The following RSPH9 variants were observed in gnomAD, a reference collection of about 807,000 sequenced individuals.
RSPH9 encodes radial spoke head protein 9 homolog.
Under a neutral mutation model 27.0 loss-of-function variants are expected in RSPH9, and 27 were observed. That is an observed-to-expected ratio of 1.00 (90% CI 0.74 to 1.38). The LOEUF is 1.38. Ranked by LOEUF, RSPH9 falls within the 40% of genes most tolerant of loss-of-function variation. The pLI is 0.00. For missense variants in RSPH9, 347 were observed against 357.4 expected (o/e 0.97, Z 0.24); for synonymous variants, 145 against 147.7 (o/e 0.98, Z 0.13).
chr6:43,671,734 GGA>G lies in RSPH9; in HGVS notation c.*787_*788del, dbSNP rs1293653228. 3.7e-6 allele frequency: 6 copies of G among 1,613,924 alleles called. No individual in the cohort carries two copies. The highest frequency in any genetic ancestry group is 5.1e-6 in the Non-Finnish European group (6 of 1,179,908). ...CCTCCTACTCCCCAGCACAGGTGCA[GGA>G]GGAACTCTGGAAGCACTGCTCTCTG... On this transcript the variant is annotated 3_prime_UTR_variant, in exon 5 of 5. Transcript: ENST00000372163.
chr6:43,655,754 A>G, intron 3 of RSPH9, 63 bp downstream of exon 3: 2 of 1,579,118 alleles, frequency 1.3e-6, no homozygotes, highest in Non-Finnish European at 1.7e-6. Flanking sequence ...AGTAGAACAT[A>G]TGTCTGGGAG....
In RSPH9 at chr6:43,650,551, A is replaced by C. The variant is rs142583052; in HGVS notation, c.393+11A>C. ...GAAGAAGAAATAGTGGTGAGTGAAGAGGAGAGCAGGAGGAGGGCCTAAAAG... is the reference window on the plus strand; with the variant it reads ...GAAGAAGAAATAGTGGTGAGTGAAGCGGAGAGCAGGAGGAGGGCCTAAAAG... On this transcript the variant is annotated intron_variant, in intron 2 of 4. Coordinates refer to ENST00000372163, the MANE Select transcript of RSPH9 (RefSeq NM_152732.5). The C allele has an allele frequency of 1.1e-5, 18 of 1,613,858 alleles. No individual in the cohort carries two copies. In the East Asian group the frequency reaches 3.6e-4, roughly 32 times the overall value.
rs1485434182 is a variant in RSPH9, at chr6:43,671,162, G to A, written c.*213G>A. ...ATGAAAGAGATTCTAGACAACGATGGGTGGAAATGGCTGTGGGAGAAGGTG... is the reference window on the plus strand; with the variant it reads ...ATGAAAGAGATTCTAGACAACGATGAGTGGAAATGGCTGTGGGAGAAGGTG... On this transcript the variant is annotated 3_prime_UTR_variant, in exon 5 of 5. Coordinates refer to ENST00000372163, the MANE Select transcript of RSPH9 (RefSeq NM_152732.5). 1.9e-5 allele frequency: 12 copies of A among 620,062 alleles called. No individual in the cohort carries two copies. Among genetic ancestry groups the A allele is most frequent in the Non-Finnish European group, 2.8e-6 (1 of 355,336 alleles). The allele number at this position is 620,062 out of a possible 1,614,324, so 38.4% of individuals were successfully genotyped here.
At chr6:43,655,139 T>C (rs575931970) in intron 2 of RSPH9, among the ~76,000 whole-genome samples, 62 of 152,374 alleles carry the variant, frequency 4.1e-4, no homozygotes, top group African/African-American at 1.5e-3. Flanking sequence ...TATGTCTTTC[T>C]ATATTATCCA....
intron 4 of RSPH9, among the ~76,000 whole-genome samples, chr6:43,667,720 A>G (rs1773290933): frequency 6.6e-6 from 1 of 151,954 alleles, no homozygotes; most frequent in Non-Finnish European, 1.5e-5. Flanking sequence ...TCTAGGGGGT[A>G]TATGATTCTT....
At chr6:43,670,240 C>G (rs1458129828) in intron 4 of RSPH9, among the ~76,000 whole-genome samples, 1 of 152,180 alleles carries the variant, frequency 6.6e-6, no homozygotes, top group Non-Finnish European at 1.5e-5. Context: ...ACAAAACAGA[C>G]TGGTTTGAGT....
chr6:43,655,322 T>C (rs1319917216), intron 2 of RSPH9, among the ~76,000 whole-genome samples: 1 of 151,962 alleles, frequency 6.6e-6, no homozygotes, highest in African/African-American at 2.4e-5. Flanking sequence ...GAAAGACTGA[T>C]TTTTTCCTGT....
chr6:43,663,916 C>G (rs58806342), intron 4 of RSPH9, among the ~76,000 whole-genome samples: 3,583 of 151,588 alleles, frequency 0.024, 149 homozygotes, highest in African/African-American at 0.082. Flanking sequence ...GTAGTCCCAG[C>G]TACTCAGGAG....
chr6:43,662,414 T>A (rs1193709615), intron 4 of RSPH9, among the ~76,000 whole-genome samples: 1 of 151,734 alleles, frequency 6.6e-6, no homozygotes, highest in African/African-American at 2.4e-5. Flanking sequence ...TCGCCCAGGC[T>A]GGAGTGCAGT....
At chr6:43,646,968 G>T (rs199556279) in intron 1 of RSPH9, among the ~76,000 whole-genome samples, 1 of 135,594 alleles carries the variant, frequency 7.4e-6, no homozygotes, top group Non-Finnish European at 1.6e-5. Context: ...AAAAAAAAAA[G>T]AAAAAAAAAA....
chr6:43,659,386 CT>C (rs749619372), intron 4 of RSPH9, among the ~76,000 whole-genome samples: 265 of 142,826 alleles, frequency 1.9e-3, no homozygotes, highest in Admixed American at 2.4e-3. Context: ...CCATGCCCGG[CT>C]TTTTTTTTTT....
At chr6:43,654,890 G>A (rs1771849754) in intron 2 of RSPH9, among the ~76,000 whole-genome samples, 2 of 152,114 alleles carry the variant, frequency 1.3e-5, no homozygotes, top group South Asian at 2.1e-4. Context: ...ACATGTGCTT[G>A]TACTTCCAGC....
intron 4 of RSPH9, among the ~76,000 whole-genome samples, chr6:43,657,166 AT>A (rs1772123186): frequency 6.6e-6 from 1 of 152,202 alleles, no homozygotes; most frequent in African/African-American, 2.4e-5. Context: ...AGAGAAGAGC[AT>A]GTCCTTGGAT....
At chr6:43,652,730 G>GTTT (rs60114676) in intron 2 of RSPH9, among the ~76,000 whole-genome samples, 5 of 126,790 alleles carry the variant, frequency 3.9e-5, no homozygotes, top group Admixed American at 7.6e-5. Context: ...CCAACTTCCG[G>GTTT]TTTTTTTTTT....
In RSPH9 at chr6:43,670,814, G is replaced by A. The variant is rs764582054; in HGVS notation, c.696G>A (p.Arg232=). 7 of 1,614,068 alleles carry A rather than the reference G, an allele frequency of 4.3e-6. No homozygotes were observed. The African/African-American group carries it at 5.3e-5, about 12-fold the overall frequency. ...PKGSWSIQME[R]GNALVVLRSL... ...GGTCCTGGAGCATCCAGATGGAGAG[G>A]GGCAATGCCCTGGTGGTGCTGCGCA... Residue 232 remains arginine, a synonymous_variant, in exon 5 of 5, where the codon AGG becomes AGA. Coordinates refer to ENST00000372163, the MANE Select transcript of RSPH9 (RefSeq NM_152732.5).
chr6:43,672,416 G>A lies in RSPH9; in HGVS notation c.*1467G>A, dbSNP rs1330839477. Reference sequence around the variant, plus strand: ...GATGGGAATCAAGGGGTAAGGGCCCGTGGGCGCAGCCCTAGCCTAGGAAGG... The same window carrying A: ...GATGGGAATCAAGGGGTAAGGGCCCATGGGCGCAGCCCTAGCCTAGGAAGG... On this transcript the variant is annotated 3_prime_UTR_variant, in exon 5 of 5. Coordinates refer to ENST00000372163, the MANE Select transcript of RSPH9 (RefSeq NM_152732.5). The A allele has an allele frequency of 3.2e-5, 15 of 471,238 alleles. No homozygotes were observed. In the Middle Eastern group the frequency reaches 3.9e-3, roughly 123 times the overall value. 29.2% of individuals were successfully genotyped at this position (471,238 alleles called of 1,614,324 possible).
At chr6:43,656,491 C>A in intron 3 of RSPH9, 86 bp from the exon 4 acceptor site, 1 of 1,471,432 alleles carries the variant, frequency 6.8e-7, no homozygotes, top group Non-Finnish European at 9.5e-7. Context: ...TTTTGTAAGC[C>A]CTACCATGTG....
intron 4 of RSPH9, among the ~76,000 whole-genome samples, chr6:43,670,525 C>T (rs1178618461): frequency 6.6e-6 from 1 of 152,180 alleles, no homozygotes; most frequent in Non-Finnish European, 1.5e-5. Context: ...ATTGCTTGAG[C>T]CCAGGAGTCA....
chr6:43,657,363 C>T (rs944347866), intron 4 of RSPH9, among the ~76,000 whole-genome samples: 1 of 152,208 alleles, frequency 6.6e-6, no homozygotes, highest in Non-Finnish European at 1.5e-5. Context: ...CACTGCTTAT[C>T]ATGTGTCAGG....
Sources: gnomAD v4.1 joint callset for allele counts (sites outside exome capture counted in the v4.1 genomes callset) on GRCh38, gnomAD v4.1.1 for gene constraint, MANE v1.5 for transcripts, NCBI Gene and HGNC (gene_info 2026-07-23, HGNC 2026-07-21) for gene names.